The following CMSS1 variants were observed in gnomAD, a reference collection of about 807,000 sequenced individuals.
CMSS1 encodes cms1 ribosomal small subunit homolog, also known as protein CMSS1.
A neutral mutation model predicts 43.5 loss-of-function variants in CMSS1; 33 were observed. The observed-to-expected ratio is 0.76, with a 90% CI of 0.57 to 1.01. The LOEUF is 1.01. Ranked by LOEUF, CMSS1 falls within the 50% of genes least tolerant of loss-of-function variation. The pLI, the probability that CMSS1 is intolerant of heterozygous loss-of-function variation, is 0.00. For missense variants in CMSS1, 313 were observed against 326.4 expected (o/e 0.96, Z 0.32); for synonymous variants, 115 against 117.2 (o/e 0.98, Z 0.12).
rs923066942 is a variant in CMSS1 at position 99,896,103 on chromosome 3, GA to G, written c.64+78070del. On this transcript the variant is annotated intron_variant, in intron 1 of 9. Coordinates refer to ENST00000421999, the MANE Select transcript of CMSS1 (RefSeq NM_032359.4). Reference sequence around the variant, plus strand: ...TTCACATATGTGGAATAAACTTTTAGAAAAAAAAAAGGAAGTTAAGGGAAAA... The same window carrying G: ...TTCACATATGTGGAATAAACTTTTAGAAAAAAAAAGGAAGTTAAGGGAAAA... 4.4e-3 allele frequency among the ~76,000 whole-genome samples: 654 copies of G among 147,108 alleles called. 4 individuals are homozygous for G. Among genetic ancestry groups the G allele is most frequent in the African/African-American group, 0.015 (613 of 40,220 alleles).
intron 1 of CMSS1, chr3:99,850,922 G>A: frequency 6.2e-7 from 1 of 1,614,150 alleles, no homozygotes; most frequent in East Asian, 2.2e-5. Flanking sequence ...AGGGTGAGCT[G>A]TGCCGTCAGC....
intron 1 of CMSS1, chr3:99,874,267 C>G (rs1222256157): frequency 2.6e-5 from 4 of 152,196 alleles, no homozygotes; most frequent in African/African-American, 9.7e-5. Flanking sequence ...GTTTATGGTA[C>G]AGATGGTACT....
intron 1 of CMSS1, among the ~76,000 whole-genome samples, chr3:100,032,744 G>A (rs1180117505): frequency 6.6e-6 from 1 of 152,050 alleles, no homozygotes; most frequent in Non-Finnish European, 1.5e-5. Flanking sequence ...TTGCTTTGTA[G>A]GTAACTCACT....
chr3:99,885,481 C>T (rs938934100), intron 1 of CMSS1, among the ~76,000 whole-genome samples: 1 of 151,900 alleles, frequency 6.6e-6, no homozygotes, highest in Non-Finnish European at 1.5e-5. Flanking sequence ...CCTTTTTTGG[C>T]AAAAAATAAA....
intron 1 of CMSS1, among the ~76,000 whole-genome samples, chr3:99,941,288 A>G (rs1707843686): frequency 6.6e-6 from 1 of 152,236 alleles, no homozygotes; most frequent in South Asian, 2.1e-4. Context: ...TATTAATAGT[A>G]GAAATACAGG....
chr3:99,947,914 A>G (rs913717828), intron 1 of CMSS1, among the ~76,000 whole-genome samples: 1 of 152,210 alleles, frequency 6.6e-6, no homozygotes, highest in Non-Finnish European at 1.5e-5. Context: ...GGAAGCTGTT[A>G]TTATATTTAC....
chr3:99,991,977 T>C (rs1012062823), intron 1 of CMSS1, among the ~76,000 whole-genome samples: 1 of 149,930 alleles, frequency 6.7e-6, no homozygotes, highest in African/African-American at 2.4e-5. Flanking sequence ...TATACACACA[T>C]ATATGTGTAT....
intron 1 of CMSS1, among the ~76,000 whole-genome samples, chr3:100,066,517 CTTTTTTTTTTTTTTTTTTTTT>C (rs545356638): frequency 5.2e-5 from 2 of 38,306 alleles, no homozygotes; most frequent in African/African-American, 2.3e-4. Context: ...GGCTTTGCTT[CTTTTTTTTTTTTTTTTTTTTT>C]TTTTTTTTTT....
intron 1 of CMSS1, among the ~76,000 whole-genome samples, chr3:99,926,777 G>A (rs910012820): frequency 6.6e-6 from 1 of 152,034 alleles, no homozygotes; most frequent in African/African-American, 2.4e-5. Flanking sequence ...GAAAATAGAA[G>A]GTTTATTTAA....
rs143439414 is a variant in CMSS1 at position 100,020,642 on chromosome 3, T to G, written c.65-126331T>G. On this transcript the variant is annotated intron_variant, in intron 1 of 9. Transcript: ENST00000421999. ...ATAATTGATAACATTTTTAAAATAG[T>G]CTTAAAGTTCTTAAAAAGTGTTTAT... Among the ~76,000 whole-genome samples the G allele has an allele frequency of 5.0e-3, 755 of 152,216 alleles. 5 individuals are homozygous for G. Among genetic ancestry groups the G allele is most frequent in the African/African-American group, 0.017 (711 of 41,530 alleles).
chr3:100,097,734 A>G (rs1028984161), intron 1 of CMSS1, among the ~76,000 whole-genome samples: 1 of 152,212 alleles, frequency 6.6e-6, no homozygotes, highest in Admixed American at 6.5e-5. Context: ...CTGGATTTGA[A>G]TATTCTTCGT....
At chr3:100,057,474 ACT>A in intron 1 of CMSS1, among the ~76,000 whole-genome samples, 1 of 152,280 alleles carries the variant, frequency 6.6e-6, no homozygotes, top group South Asian at 2.1e-4. Context: ...GTTTCTCCAA[ACT>A]CTGAAACATT....
At chr3:99,874,638 CA>C (rs1489841015) in intron 1 of CMSS1, among the ~76,000 whole-genome samples, 7 of 151,998 alleles carry the variant, frequency 4.6e-5, no homozygotes, top group African/African-American at 1.7e-4. Context: ...TTAGCAAAAA[CA>C]AAAAAACTGC....
intron 1 of CMSS1, among the ~76,000 whole-genome samples, chr3:99,900,841 C>A (rs1332077472): frequency 6.6e-6 from 1 of 152,194 alleles, no homozygotes; most frequent in Non-Finnish European, 1.5e-5. Flanking sequence ...TTAAAAGCTT[C>A]TCTGGTGATT....
intron 1 of CMSS1, among the ~76,000 whole-genome samples, chr3:100,060,662 C>G (rs1340025215): frequency 6.6e-6 from 1 of 151,998 alleles, no homozygotes; most frequent in African/African-American, 2.4e-5. Flanking sequence ...TGAGACCAGC[C>G]TGGGCAATAT....
At chr3:100,044,785 G>T (rs765997194) in intron 1 of CMSS1, among the ~76,000 whole-genome samples, 1 of 152,158 alleles carries the variant, frequency 6.6e-6, no homozygotes, top group South Asian at 2.1e-4. Flanking sequence ...TGTGAAAAAG[G>T]CTGGTGCCAT....
chr3:99,962,600 T>C (rs12629349), intron 1 of CMSS1, among the ~76,000 whole-genome samples: 1,966 of 152,240 alleles, frequency 0.013, 99 homozygotes, highest in Admixed American at 0.092. Flanking sequence ...TTTGGTGGCT[T>C]TTATACACAG....
intron 1 of CMSS1, among the ~76,000 whole-genome samples, chr3:99,856,077 C>T (rs1003258139): frequency 6.6e-6 from 1 of 152,058 alleles, no homozygotes; most frequent in Non-Finnish European, 1.5e-5. Flanking sequence ...TGGTTCTGAA[C>T]CTGTTGCTGC....
intron 9 of CMSS1, among the ~76,000 whole-genome samples, chr3:100,177,505 AGCAGTTATCCTAAG>A (rs2067157067): frequency 6.6e-6 from 1 of 152,238 alleles, no homozygotes; most frequent in African/African-American, 2.4e-5. Flanking sequence ...TGTCATTCTC[AGCAGTTATCCTAAG>A]GCAATAAAAT....
Sources: allele counts gnomAD v4.1 joint callset (sites outside exome capture counted in the v4.1 genomes callset), GRCh38; gene constraint gnomAD v4.1.1; transcripts MANE v1.5; gene names NCBI Gene and HGNC (gene_info 2026-07-23, HGNC 2026-07-21).